HCN1: variants seen among roughly 807,000 people sequenced by gnomAD.
HCN1 encodes the protein potassium/sodium hyperpolarization-activated cyclic nucleotide-gated channel 1.
Under a neutral mutation model 78.9 loss-of-function variants are expected in HCN1, and 13 were observed. The ratio of observed to expected loss-of-function variants is 0.16; its 90% CI spans 0.11 to 0.26. The LOEUF (loss-of-function observed/expected upper bound fraction) is 0.26. HCN1 is among the 10% of genes least tolerant of loss of function. The pLI is 1.00. For missense variants in HCN1, 810 were observed against 1,154.3 expected, an observed-to-expected ratio of 0.70 and a Z score of 4.32; for synonymous variants, 552 against 455.5, an observed-to-expected ratio of 1.21 and a Z score of -2.70.
At chr5:45,587,850 G>A (rs1235031322) in intron 2 of HCN1, among the ~76,000 whole-genome samples, 1 of 152,128 alleles carries the variant, frequency 6.6e-6, no homozygotes, top group Non-Finnish European at 1.5e-5. Flanking sequence ...CCTTTAGGAT[G>A]TAATTAGTTC....
At position 45,379,084 on chromosome 5, in the gene HCN1, G is replaced by C. The variant is rs573540056; in HGVS notation, c.1230+17408C>G. ...GTGAATAGTGCCCTAATAAACATGC[G>C]TGTGCATGTGTCTTTATAGCAGCAT... On this transcript the variant is annotated intron_variant, in intron 4 of 7. Transcript: ENST00000303230. Among the ~76,000 whole-genome samples the C allele has an allele frequency of 6.9e-4, 105 of 152,046 alleles. 1 individual carries two copies. Among genetic ancestry groups the C allele is most frequent in the African/African-American group, 2.5e-3 (102 of 41,394 alleles).
intron 3 of HCN1, among the ~76,000 whole-genome samples, chr5:45,428,587 CTT>C (rs1204277707): frequency 6.6e-6 from 1 of 151,946 alleles, no homozygotes; most frequent in Non-Finnish European, 1.5e-5. Flanking sequence ...TAATTTTTAA[CTT>C]TGTTTTACTA....
intron 4 of HCN1, among the ~76,000 whole-genome samples, chr5:45,362,704 G>A (rs1489631053): frequency 2.0e-5 from 3 of 151,998 alleles, no homozygotes; most frequent in Non-Finnish European, 2.9e-5. Flanking sequence ...ATGAAATTGA[G>A]GCACAGAGAA....
intron 3 of HCN1, among the ~76,000 whole-genome samples, chr5:45,401,671 T>C (rs1467376529): frequency 1.0e-4 from 15 of 150,440 alleles, no homozygotes; most frequent in Non-Finnish European, 1.6e-4. Flanking sequence ...TTTTTTTTTT[T>C]GGATATAGAA....
intron 2 of HCN1, among the ~76,000 whole-genome samples, chr5:45,608,596 T>C (rs557411941): frequency 1.3e-5 from 2 of 152,044 alleles, no homozygotes; most frequent in South Asian, 4.1e-4. Flanking sequence ...AGTCATAAAA[T>C]TAAGATATGC....
chr5:45,399,337 C>A (rs1408012020), intron 3 of HCN1, among the ~76,000 whole-genome samples: 1 of 152,220 alleles, frequency 6.6e-6, no homozygotes, highest in East Asian at 1.9e-4. Context: ...GTGATGCTGC[C>A]ATCCTGCAGC....
chr5:45,489,284 A>G, intron 2 of HCN1, among the ~76,000 whole-genome samples: 1 of 152,186 alleles, frequency 6.6e-6, no homozygotes, highest in East Asian at 1.9e-4. Context: ...GGCATGTAGG[A>G]CAACTATAAA....
intron 2 of HCN1, among the ~76,000 whole-genome samples, chr5:45,584,876 A>G (rs1180189267): frequency 6.6e-6 from 1 of 152,170 alleles, no homozygotes; most frequent in Non-Finnish European, 1.5e-5. Flanking sequence ...CTTCTGGCTT[A>G]TAGAGTTTCT....
intron 2 of HCN1, among the ~76,000 whole-genome samples, chr5:45,553,106 C>T (rs1300860232): frequency 6.6e-6 from 1 of 151,844 alleles, no homozygotes; most frequent in Non-Finnish European, 1.5e-5. Flanking sequence ...CCTCTGCCTC[C>T]TCTGAAGGAA....
At chr5:45,306,559 G>A (rs985501636) in intron 5 of HCN1, among the ~76,000 whole-genome samples, 1 of 152,052 alleles carries the variant, frequency 6.6e-6, no homozygotes, top group African/African-American at 2.4e-5. Context: ...ATGGTAATGA[G>A]ACAGAATCTT....
rs116085126 is a variant in HCN1 at position 45,460,990 on chromosome 5, C to T, written c.1011+856G>A. ...AAAATTAAAGTACCATAAAATGTCA[C>T]ACATCAAAGAGGGCTATTCACAGTT... On this transcript the variant is annotated intron_variant, in intron 3 of 7. Coordinates refer to ENST00000303230, the MANE Select transcript of HCN1 (RefSeq NM_021072.4). 2.0e-3 allele frequency among the ~76,000 whole-genome samples: 309 copies of T among 151,768 alleles called. 2 individuals carry two copies. Among genetic ancestry groups the T allele is most frequent in the African/African-American group, 7.1e-3 (296 of 41,456 alleles).
chr5:45,403,667 A>C (rs1739867086), intron 3 of HCN1, among the ~76,000 whole-genome samples: 1 of 152,162 alleles, frequency 6.6e-6, no homozygotes, highest in Non-Finnish European at 1.5e-5. Flanking sequence ...ACTACAATTC[A>C]AGATGAGATT....
chr5:45,676,189 A>C (rs1746263430), intron 1 of HCN1, among the ~76,000 whole-genome samples: 3 of 151,758 alleles, frequency 2.0e-5, no homozygotes, highest in Non-Finnish European at 4.4e-5. Context: ...ATACTTTGTC[A>C]CTTAAGCTTT....
At position 45,469,979 on chromosome 5, in the gene HCN1, A is replaced by T. The variant is rs537133395; in HGVS notation, c.850-7972T>A. 1.7e-3 allele frequency among the ~76,000 whole-genome samples: 259 copies of T among 152,178 alleles called. 1 individual carries two copies. Among genetic ancestry groups the T allele is most frequent in the African/African-American group, 6.0e-3 (250 of 41,564 alleles). On this transcript the variant is annotated intron_variant, in intron 2 of 7. Transcript: ENST00000303230. ...AGCCTCCTGTCACCATTTTAAGTCT[A>T]AAAAGGCATATGCCAACTCGCTTAT...
chr5:45,567,558 TAC>T (rs36230541), intron 2 of HCN1, among the ~76,000 whole-genome samples: 9,733 of 132,812 alleles, frequency 0.073, 504 homozygotes, highest in African/African-American at 0.13. Flanking sequence ...CATTTTAGGC[TAC>T]ACACACACAC....
At position 45,352,427 on chromosome 5, in the gene HCN1, T is replaced by A. The variant is rs183170009; in HGVS notation, c.1377+673A>T. 8.8e-4 allele frequency among the ~76,000 whole-genome samples: 134 copies of A among 152,002 alleles called. 2 individuals are homozygous for A. The highest frequency in any genetic ancestry group is 8.6e-3 in the Admixed American group (132 of 15,268). ...ATTAGGAGATATACCTAATGCTAAATGACGAGTTAATGGGTGCAGCACACC... is the reference window on the plus strand; with the variant it reads ...ATTAGGAGATATACCTAATGCTAAAAGACGAGTTAATGGGTGCAGCACACC... On this transcript the variant is annotated intron_variant, in intron 5 of 7. Coordinates refer to ENST00000303230, the MANE Select transcript of HCN1 (RefSeq NM_021072.4).
At chr5:45,638,650 C>T (rs1304619375) in intron 2 of HCN1, among the ~76,000 whole-genome samples, 2 of 152,132 alleles carry the variant, frequency 1.3e-5, no homozygotes, top group African/African-American at 4.8e-5. Context: ...TGCCTGTAAT[C>T]CCACCACTTT....
intron 4 of HCN1, among the ~76,000 whole-genome samples, chr5:45,381,361 G>T (rs954909034): frequency 2.6e-5 from 4 of 151,944 alleles, no homozygotes; most frequent in Admixed American, 1.3e-4. Flanking sequence ...ATACATCAGG[G>T]CCAAGTGAAT....
chr5:45,444,866 T>C (rs890092289), intron 3 of HCN1, among the ~76,000 whole-genome samples: 2 of 152,144 alleles, frequency 1.3e-5, no homozygotes, highest in African/African-American at 4.8e-5. Flanking sequence ...GTTAGCTACA[T>C]GTGCCATGCT....
Sources: allele counts gnomAD v4.1 joint callset (sites outside exome capture counted in the v4.1 genomes callset), GRCh38; gene constraint gnomAD v4.1.1; transcripts MANE v1.5; gene names NCBI Gene and HGNC (gene_info 2026-07-23, HGNC 2026-07-21).